Variants in PLCB1 observed in about 807,000 individuals in gnomAD.
PLCB1 encodes the protein 1-phosphatidylinositol 4,5-bisphosphate phosphodiesterase beta-1.
A neutral mutation model predicts 161.8 loss-of-function variants in PLCB1; 46 were observed. The ratio of observed to expected loss-of-function variants is 0.28; its 90% confidence interval spans 0.22 to 0.36. The LOEUF is 0.36. Ranked by LOEUF, PLCB1 falls within the 10% of genes least tolerant of loss-of-function variation. The probability of loss-of-function intolerance (pLI) is 1.00; values close to 1 mark genes in which losing one functional copy is unlikely to be tolerated. For synonymous variants in PLCB1, 517 were observed against 503.7 expected (o/e 1.03, Z -0.35); for missense variants, 1,016 against 1,472.5 (o/e 0.69, Z 5.07).
chr20:8,662,354 G>GTAATTATTATATAATTATGTATAATATA (rs1568551475), intron 9 of PLCB1, among the ~76,000 whole-genome samples: 8 of 89,612 alleles, frequency 8.9e-5, no homozygotes, highest in Non-Finnish European at 7.3e-5. Context: ...TGTATAATAT[G>GTAATTATTATATAATTATGTATAATATA]TAATTATTTA....
chr20:8,686,544 G>T (rs1301781225), intron 10 of PLCB1, among the ~76,000 whole-genome samples: 1 of 152,146 alleles, frequency 6.6e-6, no homozygotes, highest in Non-Finnish European at 1.5e-5. Context: ...ATACCAAAAT[G>T]ATTGAATGAC....
At chr20:8,536,363 G>A (rs778938427) in intron 3 of PLCB1, among the ~76,000 whole-genome samples, 4 of 152,076 alleles carry the variant, frequency 2.6e-5, no homozygotes, top group Non-Finnish European at 5.9e-5. Context: ...TGATCTTTCC[G>A]GCTTTGTAGT....
At chr20:8,837,676 TCA>T (rs1986340785) in intron 31 of PLCB1, among the ~76,000 whole-genome samples, 1 of 152,132 alleles carries the variant, frequency 6.6e-6, no homozygotes, top group African/African-American at 2.4e-5. Flanking sequence ...AATGACTCAC[TCA>T]CATTGGGAGA....
chr20:8,300,681 A>T (rs1014859838), intron 2 of PLCB1, among the ~76,000 whole-genome samples: 3 of 151,988 alleles, frequency 2.0e-5, no homozygotes, highest in Non-Finnish European at 4.4e-5. Flanking sequence ...TTTTTAAAGA[A>T]CTATGTACTA....
intron 3 of PLCB1, among the ~76,000 whole-genome samples, chr20:8,472,709 T>C (rs1422561289): frequency 6.6e-6 from 1 of 151,850 alleles, no homozygotes; most frequent in Non-Finnish European, 1.5e-5. Flanking sequence ...GTCATTGAGA[T>C]GTTGCATTGA....
chr20:8,872,662 A>G (rs1298815354), intron 31 of PLCB1, among the ~76,000 whole-genome samples: 1 of 152,142 alleles, frequency 6.6e-6, no homozygotes, highest in African/African-American at 2.4e-5. Flanking sequence ...CACAGGGGTA[A>G]TATGAATTTG....
At position 8,860,957 on chromosome 20, in the gene PLCB1, G is replaced by A. The variant is rs935789900; in HGVS notation, c.3424-20665G>A. ...CATCATGTCCATGTTTGATTTGACA[G>A]ACAAATATTGCAATTTTATTCTGTT... On this transcript the variant is annotated intron_variant, in intron 31 of 31. Coordinates refer to ENST00000338037, the MANE Select transcript of PLCB1 (RefSeq NM_015192.4). Among the ~76,000 whole-genome samples, 3 of 152,168 alleles carry A rather than the reference G, an allele frequency of 2.0e-5. No individual in the cohort carries two copies. In the East Asian group the frequency reaches 5.8e-4, roughly 29 times the overall value.
chr20:8,244,414 A>T (rs545677975), intron 2 of PLCB1, among the ~76,000 whole-genome samples: 4 of 152,004 alleles, frequency 2.6e-5, no homozygotes, highest in Non-Finnish European at 5.9e-5. Context: ...AAAAGAATGA[A>T]CTATTAATCC....
At chr20:8,347,219 A>G (rs1048631369) in intron 2 of PLCB1, among the ~76,000 whole-genome samples, 5 of 152,390 alleles carry the variant, frequency 3.3e-5, no homozygotes, top group African/African-American at 1.2e-4. Context: ...TGTGCTATTT[A>G]TGGAATAAAA....
At chr20:8,672,320 T>C (rs545836430) in intron 9 of PLCB1, among the ~76,000 whole-genome samples, 51 of 152,290 alleles carry the variant, frequency 3.3e-4, no homozygotes, top group Middle Eastern at 3.4e-3. Context: ...TAAAAGATTG[T>C]TAAACAATAT....
chr20:8,628,576 G>A (rs1185311250), intron 4 of PLCB1, 145 bp downstream of exon 4: 3 of 748,054 alleles, frequency 4.0e-6, no homozygotes, highest in East Asian at 2.6e-5. Flanking sequence ...CCAAGTATAA[G>A]TGCAATTAAA....
intron 31 of PLCB1, among the ~76,000 whole-genome samples, chr20:8,811,060 A>G (rs1600346897): frequency 6.6e-6 from 1 of 152,258 alleles, no homozygotes; most frequent in South Asian, 2.1e-4. Flanking sequence ...AGGAAAACCA[A>G]GAGTGTCAAA....
At chr20:8,308,093 G>A (rs768139096) in intron 2 of PLCB1, among the ~76,000 whole-genome samples, 7 of 151,952 alleles carry the variant, frequency 4.6e-5, no homozygotes, top group Admixed American at 1.3e-4. Context: ...GCTGCTTTGT[G>A]CTTTATGCAG....
Position 8,807,279 on chromosome 20 carries a change from CTT to C in PLCB1, c.3423+17019_3423+17020del, listed in dbSNP as rs1328785130. On this transcript the variant is annotated intron_variant, in intron 31 of 31. Transcript: ENST00000338037. ...AAGATTTAATGAGACCACAGGGTCA[CTT>C]ATAGAACGATGGTGCAGAGATGACC... Among the ~76,000 whole-genome samples the C allele has an allele frequency of 3.9e-5, 6 of 152,236 alleles. No individual in the cohort carries two copies. The East Asian group carries it at 5.8e-4, about 15-fold the overall frequency.
intron 13 of PLCB1, 105 bp from the exon 14 acceptor site, chr20:8,717,566 G>A: frequency 1.2e-6 from 1 of 825,262 alleles, no homozygotes; most frequent in Non-Finnish European, 1.9e-6. Context: ...TGAAGGTAGG[G>A]AAGAAGTCTA....
rs1458335606 is a variant in PLCB1, at chr20:8,577,062, G to A, written c.247-51232G>A. ...GAGGGAGAAAGAATGTGAGTTTGAC[G>A]ACAAGTTGCATTAATAAAAAACCAA... On this transcript the variant is annotated intron_variant, in intron 3 of 31. Transcript: ENST00000338037. 2.6e-5 allele frequency among the ~76,000 whole-genome samples: 4 copies of A among 152,120 alleles called. No individual in the cohort carries two copies. The East Asian group carries it at 5.8e-4, about 22-fold the overall frequency.
chr20:8,844,867 T>C (rs1319908341), intron 31 of PLCB1, among the ~76,000 whole-genome samples: 1 of 151,900 alleles, frequency 6.6e-6, no homozygotes, highest in African/African-American at 2.4e-5. Context: ...TCCCAACACT[T>C]TGGGAGGCCG....
intron 25 of PLCB1, among the ~76,000 whole-genome samples, chr20:8,761,814 G>T (rs918189170): frequency 6.6e-6 from 1 of 151,422 alleles, no homozygotes; most frequent in African/African-American, 2.4e-5. Flanking sequence ...GGCTGGTCTC[G>T]AACTCCTGAC....
intron 4 of PLCB1, among the ~76,000 whole-genome samples, chr20:8,644,341 G>C (rs1296281027): frequency 1.3e-5 from 2 of 148,898 alleles, no homozygotes; most frequent in South Asian, 2.1e-4. Context: ...ATCCCATCTA[G>C]GAAGTGAGGA....
Sources: allele counts gnomAD v4.1 joint callset (sites outside exome capture counted in the v4.1 genomes callset), GRCh38; gene constraint gnomAD v4.1.1; transcripts MANE v1.5; gene names NCBI Gene and HGNC (gene_info 2026-07-23, HGNC 2026-07-21).